The following FLNA variants were observed in gnomAD, a reference collection of about 807,000 sequenced individuals.
FLNA encodes filamin-A.
FLNA carries 7 observed loss-of-function variants against 157.6 expected under a neutral mutation model. That is an observed-to-expected ratio of 0.04 (90% CI 0.03 to 0.08). FLNA has a LOEUF of 0.08. Ranked by LOEUF, FLNA falls within the 10% of genes least tolerant of loss-of-function variation. The pLI, the probability that FLNA is intolerant of heterozygous loss-of-function variation, is 1.00. For missense variants in FLNA, 1,750 were observed against 2,398.4 expected (o/e 0.73, Z 5.65); for synonymous variants, 1,103 against 1,060.8 (o/e 1.04, Z -0.77).
intron 33 of FLNA, 29 bp from the exon 34 acceptor site, chrX:154,354,320 C>G: frequency 2.5e-6 from 3 of 1,211,812 alleles, no homozygotes; most frequent in Non-Finnish European, 3.3e-6. Flanking sequence ...GAGGTCAGGG[C>G]AGCTCATTGG....
rs1210861581 is a variant in FLNA, at chrX:154,352,293, C to T, written c.6657G>A (p.Gln2219=). ...ACTGGAAGGGGCTCCCAGGCACGTGCTGGCCCTTGTACTTCACGCTGACTG... is the reference window on the plus strand; with the variant it reads ...ACTGGAAGGGGCTCCCAGGCACGTGTTGGCCCTTGTACTTCACGCTGACTG... ...THTVSVKYKG[Q]HVPGSPFQFT... is the part of the protein sequence containing the mutation. The change falls in exon 41 of 48, where the codon CAG becomes CAA. Residue 2219 remains glutamine (Q), a synonymous_variant. Transcript: ENST00000369850. 2 of 1,211,158 alleles carry T rather than the reference C, an allele frequency of 1.7e-6. No homozygotes were observed. The highest frequency in any genetic ancestry group is 1.7e-5 in the African/African-American group (1 of 57,656).
chrX:154,348,776 T>G lies in FLNA; in HGVS notation c.*73A>C. ...CGGCCAGGGCGGCCTGGGCCGGGGT[T>G]GAGGGGAAGAGGGCGGGGCTGCTTG... is the stretch of plus-strand genomic sequence containing the variant. On this transcript the variant is annotated 3_prime_UTR_variant, in exon 48 of 48. Transcript: ENST00000369850. 9.5e-7 allele frequency: 1 copy of G among 1,047,178 alleles called. No homozygotes were observed. Among genetic ancestry groups the G allele is most frequent in the Admixed American group, 2.5e-5 (1 of 39,808 alleles). The allele number at this position is 1,047,178 out of a possible 1,213,427, so 86.3% of individuals were successfully genotyped here.
Position 154,351,873 on chromosome X carries a change from G to T in FLNA, c.6907+11C>A. On this transcript the variant is annotated intron_variant, in intron 42 of 47. Transcript: ENST00000369850. Reference sequence around the variant, plus strand: ...CCCCACCTCCTCCAACCCCAGCCGGGTTCCCAGTACCTGGCTCCTGGACCA... The same window carrying T: ...CCCCACCTCCTCCAACCCCAGCCGGTTTCCCAGTACCTGGCTCCTGGACCA... 8.3e-7 allele frequency: 1 copy of T among 1,210,880 alleles called. No homozygotes were observed. Among genetic ancestry groups the T allele is most frequent in the Non-Finnish European group, 1.1e-6 (1 of 895,107 alleles).
chrX:154,349,228 G>C, intron 47 of FLNA, 134 bp downstream of exon 47: 1 of 784,319 alleles, frequency 1.3e-6, no homozygotes, highest in Non-Finnish European at 1.9e-6. Context: ...AGGGGTCCAG[G>C]AGGTGGCAGG....
Position 154,359,663 on chromosome X carries a change from C to A in FLNA, c.3980-17G>T. 8.3e-7 allele frequency: 1 copy of A among 1,210,970 alleles called. No individual in the cohort carries two copies. The highest frequency in any genetic ancestry group is 1.1e-6 in the Non-Finnish European group (1 of 895,408). ...AGTGCAGTCCTGGAGGAGTGCAGGC[C>A]AGGTCAGGAGGAGCCCGGGCCACCC... On this transcript the variant is annotated splice_polypyrimidine_tract_variant and intron_variant, in intron 23 of 47. Coordinates refer to ENST00000369850, the MANE Select transcript of FLNA (RefSeq NM_001110556.2).
intron 36 of FLNA, 43 bp from the exon 37 acceptor site, chrX:154,353,500 G>A: frequency 2.5e-6 from 3 of 1,210,761 alleles, no homozygotes; most frequent in Middle Eastern, 2.3e-4. Flanking sequence ...CCAGCCATGG[G>A]AGACCATGCC....
rs1022884327 is a variant in FLNA, at chrX:154,349,661, C to T, written c.7540G>A (p.Ala2514Thr). The change falls in exon 46 of 48, where the codon GCC (alanine) becomes ACC (threonine). Residue 2514 changes from alanine (A) to threonine (T), a missense_variant. Ala to Thr is a moderately conservative substitution (Grantham distance 58). This residue lies in a region of FLNA where 970 missense variants were observed against 1,302.6 expected (regional missense o/e 0.74). Transcript: ENST00000369850. ...PYHIGGSPFKAKVTGPRLVSN... is the reference protein window; with the variant it reads ...PYHIGGSPFKTKVTGPRLVSN... ...GCCCCAGGCTCACCTGTGACTTTGG[C>T]CTTGAAGGGGCTGCCCCCAATGTGG... 8.3e-7 allele frequency: 1 copy of T among 1,211,824 alleles called. No homozygotes were observed. The highest frequency in any genetic ancestry group is 1.1e-6 in the Non-Finnish European group (1 of 895,401).
rs2067759106 is a variant in FLNA at position 154,366,227 on chromosome X, G to A, written c.1229-3C>T. 1 of 1,209,448 alleles carries A rather than the reference G, an allele frequency of 8.3e-7. No individual in the cohort carries two copies. The highest frequency in any genetic ancestry group is 1.1e-6 in the Non-Finnish European group (1 of 895,039). On this transcript the variant is annotated splice_polypyrimidine_tract_variant and splice_region_variant and intron_variant, in intron 8 of 47. Transcript: ENST00000369850. Reference sequence around the variant, plus strand: ...CTCGACCTCGCCCGTGCCAGCTCCTGCCACGAGGCACCTGCTCAGCTCCCA... The same window carrying A: ...CTCGACCTCGCCCGTGCCAGCTCCTACCACGAGGCACCTGCTCAGCTCCCA...
rs1557176078 is a variant in FLNA at position 154,352,932 on chromosome X, A to T, written c.6227-8T>A. ...GGCTGAGCCCACCATAGCCTAGGGGATGGATACCCCTGAGCCTCGGTGCTA... is the reference window on the plus strand; with the variant it reads ...GGCTGAGCCCACCATAGCCTAGGGGTTGGATACCCCTGAGCCTCGGTGCTA... On this transcript the variant is annotated splice_polypyrimidine_tract_variant and splice_region_variant and intron_variant, in intron 38 of 47. Transcript: ENST00000369850. 8.3e-7 allele frequency: 1 copy of T among 1,211,090 alleles called. No homozygotes were observed. Among genetic ancestry groups the T allele is most frequent in the Admixed American group, 2.2e-5 (1 of 46,104 alleles).
chrX:154,372,166 G>A (rs1357514449), intron 1 of FLNA, among the ~76,000 whole-genome samples: 1 of 113,455 alleles, frequency 8.8e-6, no homozygotes, highest in Non-Finnish European at 1.9e-5. Flanking sequence ...AAGGGGTCCG[G>A]GCATGCCCAC....
intron 2 of FLNA, among the ~76,000 whole-genome samples, chrX:154,369,384 A>G (rs1288275876): frequency 8.9e-6 from 1 of 111,809 alleles, no homozygotes; most frequent in Non-Finnish European, 1.9e-5. Flanking sequence ...CACGGGGAGC[A>G]ACCAGGCCCA....
Position 154,348,727 on chromosome X carries a change from G to T in FLNA, c.*122C>A. On this transcript the variant is annotated 3_prime_UTR_variant, in exon 48 of 48. Transcript: ENST00000369850. The stretch of plus-strand genomic sequence containing the variant: ...GGTGAGCGCAGCACGGCACAGGGCA[G>T]GGGCGGCTGCAGTGACAGGCGGGCG... The T allele has an allele frequency of 1.6e-6, 1 of 630,034 alleles. No homozygotes were observed. The highest frequency in any genetic ancestry group is 2.4e-6 in the Non-Finnish European group (1 of 411,123). 51.9% of individuals were successfully genotyped at this position (630,034 alleles called of 1,213,427 possible). A position where few individuals can be genotyped will look rare whatever the true frequency, so the allele number is the denominator to read the frequency against.
Position 154,349,678 on chromosome X carries a change from C to G in FLNA, c.7523G>C (p.Gly2508Ala). 1 of 1,211,848 alleles carries G rather than the reference C, an allele frequency of 8.3e-7. No individual in the cohort carries two copies. The highest frequency in any genetic ancestry group is 1.1e-6 in the Non-Finnish European group (1 of 895,475). The change falls in exon 46 of 48, where the codon GGG becomes GCG. Residue 2508 changes from glycine (G) to alanine (A), a missense_variant. Transcript: ENST00000369850. ...SIKYGGPYHIGGSPFKAKVTG... is the reference protein window; with the variant it reads ...SIKYGGPYHIAGSPFKAKVTG... ...GACTTTGGCCTTGAAGGGGCTGCCC[C>G]CAATGTGGTAGGGGCCGCCGTACTT...
intron 37 of FLNA, 38 bp from the exon 38 acceptor site, chrX:154,353,242 G>A: frequency 1.7e-6 from 2 of 1,209,259 alleles, no homozygotes; most frequent in South Asian, 3.5e-5. Flanking sequence ...GGGAGGGCAT[G>A]GCTCCCCACA....
intron 14 of FLNA, 38 bp from the exon 15 acceptor site, chrX:154,364,203 T>G (rs1557178648): frequency 4.1e-6 from 5 of 1,208,455 alleles, no homozygotes; most frequent in Non-Finnish European, 5.6e-6. Context: ...TGCTGGTCAG[T>G]GCCCAGGCCT....
At chrX:154,361,602 A>T (rs896655189) in intron 20 of FLNA, 32 bp from the exon 21 acceptor site, 1 of 1,209,275 alleles carries the variant, frequency 8.3e-7, no homozygotes, top group African/African-American at 1.8e-5. Flanking sequence ...GGAGAGAGAC[A>T]TGACACCCAG....
rs782299495 is a variant in FLNA at position 154,371,271 on chromosome X, C to A, written c.-26G>T. On this transcript the variant is annotated 5_prime_UTR_variant, in exon 2 of 48. Transcript: ENST00000369850. ...TTTGAGGCGCGAGAAGCCGGGGGGG[C>A]GGTGCTGCAGCCTCGGCGAGGGGAC... 7 of 1,194,399 alleles carry A rather than the reference C, an allele frequency of 5.9e-6. No individual in the cohort carries two copies. Among genetic ancestry groups the A allele is most frequent in the African/African-American group, 1.7e-5 (1 of 57,340 alleles).
In FLNA at chrX:154,353,408, G is replaced by A. The variant is rs2067637398; in HGVS notation, c.5910C>T (p.Asp1970=). ...CCGTCTCTGAGATGTTGATGGGGAT[G>A]TCGGCAGCAGAGCCGACCTTTAGGT... ...MSHLKVGSAA[D]IPINISETDL... is the part of the protein sequence containing the mutation. Residue 1970 remains aspartate (D), a synonymous_variant, in exon 37 of 48, where the codon GAC becomes GAT. Coordinates refer to ENST00000369850, the MANE Select transcript of FLNA (RefSeq NM_001110556.2). 5 of 1,211,795 alleles carry A rather than the reference G, an allele frequency of 4.1e-6. No homozygotes were observed. The highest frequency in any genetic ancestry group is 2.3e-4 in the Middle Eastern group (1 of 4,355).
rs987524675 is a variant in FLNA, at chrX:154,351,791, A to C, written c.6907+93T>G. On this transcript the variant is annotated intron_variant, in intron 42 of 47. Coordinates refer to ENST00000369850, the MANE Select transcript of FLNA (RefSeq NM_001110556.2). ...GTGGCCCTGTGACCTCAAAGTGAAG[A>C]GTGAGTGCCAGGCAGGGCTATCTGT... 4.4e-6 allele frequency: 5 copies of C among 1,145,437 alleles called. No homozygotes were observed. In the African/African-American group the frequency reaches 7.2e-5, roughly 16 times the overall value. The allele number at this position is 1,145,437 out of a possible 1,213,427, so 94.4% of individuals were successfully genotyped here.
Sources: gnomAD v4.1 joint callset for allele counts (sites outside exome capture counted in the v4.1 genomes callset) on GRCh38, gnomAD v4.1.1 for gene constraint, gnomAD v4.1.1 regional missense constraint, MANE v1.5 for transcripts, NCBI Gene and HGNC (gene_info 2026-07-23, HGNC 2026-07-21) for gene names.